Variants in DDX11 observed in about 807,000 individuals in gnomAD.
DDX11 encodes ATP-dependent DNA helicase DDX11.
DDX11 carries 72 observed loss-of-function variants against 125.2 expected under a neutral mutation model. That is an observed-to-expected ratio of 0.58 (90% CI 0.48 to 0.70). DDX11 has a LOEUF of 0.70. Ranked by LOEUF, DDX11 falls within the 30% of genes least tolerant of loss-of-function variation. The pLI is 0.00. For synonymous variants in DDX11, 347 were observed against 452.6 expected, an observed-to-expected ratio of 0.77 and a Z score of 2.96; for missense variants, 883 against 1,165.0, an observed-to-expected ratio of 0.76 and a Z score of 3.52.
intron 2 of DDX11, 105 bp from the exon 3 acceptor site, chr12:31,083,708 C>T (rs1043807743): frequency 5.0e-6 from 7 of 1,392,284 alleles, no homozygotes; most frequent in African/African-American, 2.8e-5. Flanking sequence ...GCATCCTCTC[C>T]TATGTACAGC....
At chr12:31,091,690 T>C in intron 9 of DDX11, 29 bp from the exon 10 acceptor site, 1 of 1,587,360 alleles carries the variant, frequency 6.3e-7, no homozygotes, top group Non-Finnish European at 8.6e-7. Flanking sequence ...AGCCCCGCCC[T>C]GCTCAGGTGG....
intron 1 of DDX11, among the ~76,000 whole-genome samples, chr12:31,074,969 C>T (rs1940494600): frequency 6.6e-6 from 1 of 152,206 alleles, no homozygotes; most frequent in Admixed American, 6.5e-5. Context: ...GAGCCCACAA[C>T]AATAGTCTGT....
At chr12:31,094,295 C>A in intron 12 of DDX11, 1 of 406,766 alleles carries the variant, frequency 2.5e-6, no homozygotes, top group South Asian at 2.1e-5. Context: ...CTCCGGTGCC[C>A]TGCATACCTT....
chr12:31,089,441 T>C lies in DDX11; in HGVS notation c.831T>C (p.Ser277=), dbSNP rs781610646. 1.3e-5 allele frequency: 21 copies of C among 1,614,016 alleles called. No homozygotes were observed. The highest frequency in any genetic ancestry group is 1.8e-5 in the Non-Finnish European group (21 of 1,179,868). Residue 277 remains serine (S), a synonymous_variant, in exon 8 of 27, where the codon TCT becomes TCC. Coordinates refer to ENST00000542838, the MANE Select transcript of DDX11 (RefSeq NM_030653.4). ...CVNEDVKSLG[S]VQLINDRCVD... ...ATGAAGACGTGAAAAGCCTAGGTTCTGTGCAGCTTATCAACGACCGCTGTG... is the reference window on the plus strand; with the variant it reads ...ATGAAGACGTGAAAAGCCTAGGTTCCGTGCAGCTTATCAACGACCGCTGTG...
chr12:31,074,925 G>A (rs528168801), intron 1 of DDX11, among the ~76,000 whole-genome samples: 3 of 152,316 alleles, frequency 2.0e-5, no homozygotes, highest in Admixed American at 2.0e-4. Flanking sequence ...CAGAGGCTTG[G>A]GATGTCCAAG....
intron 1 of DDX11, chr12:31,078,145 T>G (rs1204777372): frequency 2.2e-6 from 3 of 1,351,886 alleles, no homozygotes; most frequent in Non-Finnish European, 3.0e-6. Context: ...GAGATTGGGT[T>G]TAGGGGCTTT....
Position 31,096,176 on chromosome 12 carries a change from C to T in DDX11, c.1483-165C>T, listed in dbSNP as rs192861218. ...GGGGCAGTAGAGGAGGGGGTGGCCT[C>T]GGAGAGGAGATGACAAGGTTGGTGG... On this transcript the variant is annotated intron_variant, in intron 14 of 26. Transcript: ENST00000542838. Among the ~76,000 whole-genome samples, 1,383 of 151,626 alleles carry T rather than the reference C, an allele frequency of 9.1e-3. 25 individuals carry two copies. The highest frequency in any genetic ancestry group is 0.031 in the African/African-American group (1,285 of 41,226).
intron 5 of DDX11, among the ~76,000 whole-genome samples, chr12:31,087,043 T>C (rs1943287114): frequency 6.7e-6 from 1 of 149,182 alleles, no homozygotes; most frequent in African/African-American, 2.5e-5. Context: ...ATAGGTAGCG[T>C]GTGCCTGTCA....
chr12:31,100,875 C>T (rs1445561388), intron 19 of DDX11, 152 bp from the exon 20 acceptor site: 6 of 1,079,178 alleles, frequency 5.6e-6, no homozygotes, highest in Non-Finnish European at 8.5e-6. Flanking sequence ...CTCCCTGCTG[C>T]CTGCTGCCCA....
In DDX11 at chr12:31,092,839, T is replaced by C; in HGVS notation, c.1243-7T>C. Reference sequence around the variant, plus strand: ...TGCTCAGAGCCTGGTTTGTGTTCTTTCCCCAGCTCTGCCAGGCCCATTCCC... The same window carrying C: ...TGCTCAGAGCCTGGTTTGTGTTCTTCCCCCAGCTCTGCCAGGCCCATTCCC... On this transcript the variant is annotated splice_region_variant and splice_polypyrimidine_tract_variant and intron_variant, in intron 10 of 26. Transcript: ENST00000542838. 1.2e-6 allele frequency: 2 copies of C among 1,613,876 alleles called. No individual in the cohort carries two copies.
intron 10 of DDX11, among the ~76,000 whole-genome samples, chr12:31,092,374 A>G (rs572743470): frequency 6.6e-6 from 1 of 152,294 alleles, no homozygotes; most frequent in Non-Finnish European, 1.5e-5. Context: ...AAGATGGTCA[A>G]GCTCTGTCCT....
rs1946562842 is a variant in DDX11 at position 31,102,460 on chromosome 12, G to T, written c.2305G>T (p.Ala769Ser). 1 of 1,613,972 alleles carries T rather than the reference G, an allele frequency of 6.2e-7. No homozygotes were observed. Among genetic ancestry groups the T allele is most frequent in the South Asian group, 1.1e-5 (1 of 91,070 alleles). ...CGQERGQVTGALLLSVVGGKM... is the reference protein window; with the variant it reads ...CGQERGQVTGSLLLSVVGGKM... ...CCAGGAGAGAGGCCAGGTGACAGGG[G>T]CCCTGCTCCTCTCTGTGGTTGGAGG... Residue 769 changes from alanine to serine, a missense_variant, in exon 23 of 27, where the codon GCC (alanine) becomes TCC (serine). Physicochemically the swap from Ala to Ser is moderately conservative, Grantham distance 99. Around this residue, in one of 5 missense-constraint regions of DDX11, gnomAD observed 285 missense variants for 346.0 expected, o/e 0.82. Coordinates refer to ENST00000542838, the MANE Select transcript of DDX11 (RefSeq NM_030653.4).
rs538286336 is a variant in DDX11 at position 31,084,393 on chromosome 12, C to T, written c.394-190C>T. Among the ~76,000 whole-genome samples, 76 of 152,278 alleles carry T rather than the reference C, an allele frequency of 5.0e-4. 1 individual carries two copies. The highest frequency in any genetic ancestry group is 1.8e-3 in the African/African-American group (73 of 41,554). On this transcript the variant is annotated intron_variant, in intron 3 of 26. Coordinates refer to ENST00000542838, the MANE Select transcript of DDX11 (RefSeq NM_030653.4). ...GCTTTGGGAGGAGTGTGCCGCCTTC[C>T]GCAGTGAGCAGCGAGGCTGGGACCG...
chr12:31,081,980 T>G (rs1379122242), intron 2 of DDX11, among the ~76,000 whole-genome samples: 1 of 126,412 alleles, frequency 7.9e-6, no homozygotes, highest in Non-Finnish European at 1.6e-5. Flanking sequence ...GCTGACTGCT[T>G]CCGATATCAC....
In DDX11 at chr12:31,084,988, G is replaced by A; in HGVS notation, c.500G>A (p.Arg167Lys). 1 of 1,567,018 alleles carries A rather than the reference G, an allele frequency of 6.4e-7. No individual in the cohort carries two copies. Among genetic ancestry groups the A allele is most frequent in the Non-Finnish European group, 8.7e-7 (1 of 1,154,118 alleles). Residue 167 changes from arginine (R) to lysine (K), a missense_variant, in exon 5 of 27, where the codon AGA becomes AAA. By Grantham distance (26) the Arg-to-Lys change is conservative. This residue lies in a region of DDX11 where 283 missense variants were observed against 359.6 expected (regional missense o/e 0.79). Transcript: ENST00000542838. ...GTCCAGAGGCAGGAAGAAGAAGAAA[G>A]AGAGAATCTCCTCCGCCTCAGCAGG... ...AKRLRQEEEE[R>K]ENLLRLSREM... is the part of the protein sequence containing the mutation.
chr12:31,096,591 T>A (rs1945281488), intron 15 of DDX11, 46 bp from the exon 16 acceptor site: 1 of 1,606,206 alleles, frequency 6.2e-7, no homozygotes, highest in Non-Finnish European at 8.5e-7. Flanking sequence ...CTCTCTCTCA[T>A]GGCTGTACCT....
intron 12 of DDX11, 103 bp from the exon 13 acceptor site, chr12:31,094,486 AG>A (rs1944863662): frequency 6.5e-7 from 1 of 1,530,196 alleles, no homozygotes; most frequent in Non-Finnish European, 8.8e-7. Flanking sequence ...ATTTAAATAC[AG>A]ATGCTCTTCT....
At chr12:31,089,234 A>T (rs1943717974) in intron 7 of DDX11, 83 bp downstream of exon 7, 1 of 1,418,736 alleles carries the variant, frequency 7.0e-7, no homozygotes, top group Admixed American at 1.7e-5. Flanking sequence ...GCCTTGGGAG[A>T]CGCTGGGTCT....
Position 31,098,005 on chromosome 12 carries a change from C to T in DDX11, c.1875+8C>T. On this transcript the variant is annotated splice_region_variant and intron_variant, in intron 18 of 26. Transcript: ENST00000542838. Reference sequence around the variant, plus strand: ...GGGGGTACCATGCAGCCGGTAAGGACACCTTTCCCAGCCCCTCGTGCCCCA... The same window carrying T: ...GGGGGTACCATGCAGCCGGTAAGGATACCTTTCCCAGCCCCTCGTGCCCCA... 3 of 1,610,414 alleles carry T rather than the reference C, an allele frequency of 1.9e-6. No homozygotes were observed. Among genetic ancestry groups the T allele is most frequent in the Non-Finnish European group, 2.5e-6 (3 of 1,176,926 alleles).
Sources: allele counts gnomAD v4.1 joint callset (sites outside exome capture counted in the v4.1 genomes callset), GRCh38; gene constraint gnomAD v4.1.1; regional missense constraint gnomAD v4.1.1; transcripts MANE v1.5; gene names NCBI Gene and HGNC (gene_info 2026-07-23, HGNC 2026-07-21).